NFATC2: variants seen among roughly 807,000 people sequenced by gnomAD.
The protein encoded by NFATC2 is nuclear factor of activated T-cells, cytoplasmic 2.
NFATC2 carries 22 observed loss-of-function variants against 87.3 expected under a neutral mutation model. That is an observed-to-expected ratio of 0.25 (90% confidence interval 0.18 to 0.36). The LOEUF (loss-of-function observed/expected upper bound fraction) is 0.36. Among genes scored for constraint, NFATC2 ranks in the 10% least tolerant of loss-of-function variants. The pLI, the probability that NFATC2 is intolerant of heterozygous loss-of-function variation, is 1.00. For synonymous variants in NFATC2, 565 were observed against 542.2 expected, an observed-to-expected ratio of 1.04 and a Z score of -0.58; for missense variants, 1,149 against 1,259.1, an observed-to-expected ratio of 0.91 and a Z score of 1.32.
intron 9 of NFATC2, among the ~76,000 whole-genome samples, chr20:51,410,899 C>G (rs1425293811): frequency 6.6e-6 from 1 of 152,094 alleles, no homozygotes; most frequent in African/African-American, 2.4e-5. Context: ...CCTTACTAGA[C>G]TGTATGAACC....
chr20:51,507,068 G>A (rs2076195546), intron 3 of NFATC2, among the ~76,000 whole-genome samples: 2 of 152,214 alleles, frequency 1.3e-5, no homozygotes, highest in Non-Finnish European at 1.5e-5. Context: ...TCTGGGCTCA[G>A]CCCATGTGCT....
rs773583466 is a variant in NFATC2, at chr20:51,454,730, T to A, written c.1709-42A>T. 6.2e-6 allele frequency: 10 copies of A among 1,606,112 alleles called. No individual in the cohort carries two copies. In the Admixed American group the frequency reaches 1.7e-4, roughly 27 times the overall value. On this transcript the variant is annotated intron_variant, in intron 5 of 10. Transcript: ENST00000371564. ...GAGAAGTCACTGTGATAAGGGGAGA[T>A]GTCTGTTCAAAAGAGGAGGTCTGAT... is the stretch of plus-strand genomic sequence containing the variant.
At chr20:51,506,100 T>A (rs1336411809) in intron 3 of NFATC2, among the ~76,000 whole-genome samples, 1 of 152,192 alleles carries the variant, frequency 6.6e-6, no homozygotes, top group African/African-American at 2.4e-5. Context: ...AAAAAGCCAC[T>A]CAGCTTCTCC....
At chr20:51,515,276 G>C (rs1353313408) in intron 3 of NFATC2, among the ~76,000 whole-genome samples, 1 of 152,218 alleles carries the variant, frequency 6.6e-6, no homozygotes, top group Non-Finnish European at 1.5e-5. Flanking sequence ...GAGAGACTAA[G>C]AGTGCAGCGG....
chr20:51,482,770 ACT>A (rs541848396), intron 3 of NFATC2, among the ~76,000 whole-genome samples: 71 of 152,312 alleles, frequency 4.7e-4, no homozygotes, highest in African/African-American at 1.7e-3. Context: ...TATCCCCCTA[ACT>A]GAAGTTATCT....
chr20:51,561,853 T>C (rs1386245909), intron 1 of NFATC2, among the ~76,000 whole-genome samples: 1 of 152,116 alleles, frequency 6.6e-6, no homozygotes, highest in African/African-American at 2.4e-5. Context: ...TCATATCTTA[T>C]GCTCCTTATA....
intron 1 of NFATC2, among the ~76,000 whole-genome samples, chr20:51,548,354 C>T (rs1379559232): frequency 6.6e-6 from 1 of 152,206 alleles, no homozygotes; most frequent in Non-Finnish European, 1.5e-5. Flanking sequence ...CTTCATGTTC[C>T]TCATTGCCCT....
At chr20:51,485,340 C>T (rs891453925) in intron 3 of NFATC2, among the ~76,000 whole-genome samples, 4 of 152,216 alleles carry the variant, frequency 2.6e-5, no homozygotes, top group African/African-American at 9.7e-5. Flanking sequence ...CTTCCCTTCT[C>T]TGCTCTCAGC....
chr20:51,431,416 C>T (rs984588479), intron 9 of NFATC2, among the ~76,000 whole-genome samples: 4 of 152,176 alleles, frequency 2.6e-5, no homozygotes, highest in Non-Finnish European at 5.9e-5. Context: ...CGGGCACCTA[C>T]AGACTCACAC....
In NFATC2 at chr20:51,387,051, G is replaced by A. The variant is rs986625232; in HGVS notation, c.*4445C>T. Reference sequence around the variant, plus strand: ...TAGGAAAAATAAACTACATTAAACTGGAGATTAAAAACATTTGCATAGGAA... The same window carrying A: ...TAGGAAAAATAAACTACATTAAACTAGAGATTAAAAACATTTGCATAGGAA... On this transcript the variant is annotated 3_prime_UTR_variant, in exon 11 of 11. Transcript: ENST00000371564. 1.1e-4 allele frequency: 16 copies of A among 152,164 alleles called. No individual in the cohort carries two copies. The highest frequency in any genetic ancestry group is 3.4e-4 in the African/African-American group (14 of 41,414). The allele number at this position is 152,164 out of a possible 1,614,324, so 9.4% of individuals were successfully genotyped here. A position where few individuals can be genotyped will look rare whatever the true frequency, so the allele number is the denominator to read the frequency against.
chr20:51,463,469 C>T (rs1987356711), intron 5 of NFATC2, among the ~76,000 whole-genome samples: 1 of 152,206 alleles, frequency 6.6e-6, no homozygotes, highest in African/African-American at 2.4e-5. Context: ...CTCCACAGGA[C>T]ATCAGGGAGA....
chr20:51,494,605 C>T (rs2075957679), intron 3 of NFATC2, among the ~76,000 whole-genome samples: 1 of 152,132 alleles, frequency 6.6e-6, no homozygotes, highest in South Asian at 2.1e-4. Flanking sequence ...TGAGAACCCA[C>T]GCGCCTTGAG....
At position 51,523,344 on chromosome 20, in the gene NFATC2, G is replaced by A; in HGVS notation, c.897C>T (p.Gly299=). ...GSPAGYPPVA[G]SAVIMDALNS... ...TCAGGGCATCCATGATCACGGCAGA[G>A]CCAGCCACAGGGGGGTACCCAGCCG... is the stretch of plus-strand genomic sequence containing the variant. Residue 299 remains glycine, a synonymous_variant, in exon 2 of 11, where the codon GGC becomes GGT. Coordinates refer to ENST00000371564, the MANE Select transcript of NFATC2 (RefSeq NM_012340.5). The surrounding 1 kb of genome is among the most constrained non-coding windows in gnomAD (Gnocchi z 6.9). The A allele has an allele frequency of 6.2e-7, 1 of 1,611,910 alleles. No individual in the cohort carries two copies. The highest frequency in any genetic ancestry group is 8.5e-7 in the Non-Finnish European group (1 of 1,179,172).
chr20:51,488,608 TCTGCACTGAAACC>T (rs143190213), intron 3 of NFATC2, among the ~76,000 whole-genome samples: 19,964 of 152,108 alleles, frequency 0.13, 4,149 homozygotes, highest in African/African-American at 0.44. Flanking sequence ...AAACAGAAAA[TCTGCACTGAAACC>T]CTATCCCTTG....
intron 9 of NFATC2, among the ~76,000 whole-genome samples, chr20:51,410,161 GATC>G (rs1262518192): frequency 7.8e-6 from 1 of 127,910 alleles, no homozygotes; most frequent in Non-Finnish European, 1.5e-5. Flanking sequence ...AGTGAGCCGA[GATC>G]ATGCCACTGC....
chr20:51,398,327 AGT>A (rs1167932488), intron 10 of NFATC2, among the ~76,000 whole-genome samples: 2 of 152,074 alleles, frequency 1.3e-5, no homozygotes, highest in East Asian at 1.9e-4. Flanking sequence ...CCCACAACAA[AGT>A]GTGCAAAACC....
intron 1 of NFATC2, among the ~76,000 whole-genome samples, chr20:51,536,503 A>G (rs374889104): frequency 6.6e-6 from 1 of 152,080 alleles, no homozygotes; most frequent in African/African-American, 2.4e-5. Flanking sequence ...CCCATTCTAC[A>G]TTTTTCAAAT....
At chr20:51,517,473 T>C (rs1264224707) in intron 2 of NFATC2, among the ~76,000 whole-genome samples, 4 of 151,444 alleles carry the variant, frequency 2.6e-5, no homozygotes, top group African/African-American at 7.3e-5. Context: ...ATGCCTATAG[T>C]CCCAGCTACC....
chr20:51,503,714 G>A (rs964390206), intron 3 of NFATC2, among the ~76,000 whole-genome samples: 1 of 152,242 alleles, frequency 6.6e-6, no homozygotes, highest in African/African-American at 2.4e-5. Flanking sequence ...CCTCTGCCTG[G>A]GAGGGGCCTT....
Sources: allele counts gnomAD v4.1 joint callset (sites outside exome capture counted in the v4.1 genomes callset), GRCh38; gene constraint gnomAD v4.1.1; non-coding constraint Gnocchi (gnomAD v3.1); transcripts MANE v1.5; gene names NCBI Gene and HGNC (gene_info 2026-07-23, HGNC 2026-07-21).